The following ZBBX variants were observed in gnomAD, a reference collection of about 807,000 sequenced individuals.
ZBBX encodes zinc finger B-box domain-containing protein 1.
Under a neutral mutation model 108.5 loss-of-function variants are expected in ZBBX, and 101 were observed. The observed-to-expected ratio is 0.93, with a 90% CI of 0.79 to 1.10. The LOEUF is 1.10. Among genes scored for constraint, ZBBX ranks in the 50% least tolerant of loss-of-function variants. ZBBX has a pLI of 0.00. For synonymous variants in ZBBX, 356 were observed against 323.4 expected (o/e 1.10, Z -1.08); for missense variants, 1,009 against 941.4 (o/e 1.07, Z -0.94).
At chr3:167,199,045 A>T in the ZBBX span, among the ~76,000 whole-genome samples, 111 of 152,332 alleles carry the variant, frequency 7.3e-4, no homozygotes, top group African/African-American at 2.6e-3. Flanking sequence ...ACTGAAATGA[A>T]GTTTTAGACA....
At chr3:167,343,065 T>C (rs1372526747) in intron 9 of ZBBX, among the ~76,000 whole-genome samples, 2 of 151,870 alleles carry the variant, frequency 1.3e-5, no homozygotes, top group African/African-American at 4.8e-5. Context: ...GCTTTAAATG[T>C]AGATAATATA....
intron 10 of ZBBX, 137 bp from the exon 11 acceptor site, chr3:167,328,253 CTT>C (rs1222683164): frequency 1.1e-6 from 1 of 878,004 alleles, no homozygotes; most frequent in Non-Finnish European, 1.7e-6. Flanking sequence ...ACTTTTTAAA[CTT>C]AGAATATTTT....
At chr3:167,197,652 T>C in the ZBBX span, among the ~76,000 whole-genome samples, 29 of 152,198 alleles carry the variant, frequency 1.9e-4, no homozygotes, top group Non-Finnish European at 3.2e-4. Flanking sequence ...TGAGAGCATA[T>C]ACAATAAGAA....
At chr3:167,280,890 G>A (rs1409903173) in intron 20 of ZBBX, among the ~76,000 whole-genome samples, 5 of 152,148 alleles carry the variant, frequency 3.3e-5, no homozygotes, top group African/African-American at 1.2e-4. Flanking sequence ...TTAAGAAAAT[G>A]TGGCACATAC....
the ZBBX span, among the ~76,000 whole-genome samples, chr3:167,234,528 A>C: frequency 6.6e-6 from 1 of 151,912 alleles, no homozygotes; most frequent in Non-Finnish European, 1.5e-5. Context: ...AGACTAAAAA[A>C]GAGGAATTGA....
At chr3:167,334,064 G>T in intron 9 of ZBBX, 79 bp from the exon 10 acceptor site, 1 of 929,806 alleles carries the variant, frequency 1.1e-6, no homozygotes, top group South Asian at 2.8e-5. Flanking sequence ...TCATATTTGT[G>T]TTATTCTATG....
intron 20 of ZBBX, among the ~76,000 whole-genome samples, chr3:167,264,782 C>G (rs1256212100): frequency 6.6e-6 from 1 of 152,230 alleles, no homozygotes; most frequent in Non-Finnish European, 1.5e-5. Context: ...AGTTGGCACT[C>G]AGACCACAAG....
intron 8 of ZBBX, among the ~76,000 whole-genome samples, chr3:167,357,244 GA>G (rs1743732491): frequency 6.6e-6 from 1 of 152,100 alleles, no homozygotes; most frequent in Non-Finnish European, 1.5e-5. Flanking sequence ...AGAAGAAACA[GA>G]TATCAATGTC....
At chr3:167,300,609 CT>C (rs59816017) in intron 17 of ZBBX, among the ~76,000 whole-genome samples, 7,330 of 141,608 alleles carry the variant, frequency 0.052, 545 homozygotes, top group African/African-American at 0.15. Flanking sequence ...CCCACCAACC[CT>C]TTTTTTTTTT....
intron 9 of ZBBX, among the ~76,000 whole-genome samples, chr3:167,341,590 C>T (rs553634673): frequency 6.6e-6 from 1 of 151,940 alleles, no homozygotes; most frequent in South Asian, 2.1e-4. Context: ...AAAAGTGAGA[C>T]AGAATAGCAA....
intron 9 of ZBBX, among the ~76,000 whole-genome samples, 162 bp downstream of exon 9, chr3:167,350,258 A>G (rs4449318): frequency 2.6e-5 from 4 of 152,046 alleles, no homozygotes; most frequent in Admixed American, 1.3e-4. Flanking sequence ...AGTATTCAAT[A>G]AAATAATTTA....
Position 167,314,119 on chromosome 3 carries a change from T to C in ZBBX, c.1275-3A>G. On this transcript the variant is annotated splice_region_variant and splice_polypyrimidine_tract_variant and intron_variant, in intron 15 of 21. Transcript: ENST00000675490. ...TCTGACAATCATGAAAAGCACAACT[T>C]TCACATGTAGGAACAAACAAAATAA... The C allele has an allele frequency of 6.3e-7, 1 of 1,579,904 alleles. No homozygotes were observed. Among genetic ancestry groups the C allele is most frequent in the Non-Finnish European group, 8.6e-7 (1 of 1,166,690 alleles).
chr3:167,237,444 C>T (rs747594487), downstream of ZBBX, among the ~76,000 whole-genome samples: 33 of 151,776 alleles, frequency 2.2e-4, no homozygotes, highest in Admixed American at 3.9e-4. Context: ...TGGTTAAAGG[C>T]GCACTGTACT....
chr3:167,398,510 T>C (rs955202718), intron 1 of ZBBX, among the ~76,000 whole-genome samples: 2 of 152,086 alleles, frequency 1.3e-5, no homozygotes, highest in Non-Finnish European at 1.5e-5. Flanking sequence ...GATATGTATG[T>C]CCTATTAGCT....
the ZBBX span, among the ~76,000 whole-genome samples, chr3:167,183,252 A>G: frequency 1.3e-5 from 2 of 152,184 alleles, no homozygotes; most frequent in Non-Finnish European, 2.9e-5. Context: ...GGAACCAACC[A>G]GAGCCCACAC....
chr3:167,352,711 C>T (rs552519709), intron 8 of ZBBX, among the ~76,000 whole-genome samples: 4 of 140,736 alleles, frequency 2.8e-5, no homozygotes, highest in Non-Finnish European at 6.0e-5. Flanking sequence ...AACATAGATA[C>T]AAAAATTCTC....
chr3:167,223,388 A>T, the ZBBX span, among the ~76,000 whole-genome samples: 2 of 152,024 alleles, frequency 1.3e-5, no homozygotes, highest in Admixed American at 1.3e-4. Flanking sequence ...ATAAAGGAAT[A>T]AAAAGCCAAT....
chr3:167,343,376 T>C (rs1477473875), intron 9 of ZBBX, among the ~76,000 whole-genome samples: 1 of 151,852 alleles, frequency 6.6e-6, no homozygotes, highest in East Asian at 1.9e-4. Flanking sequence ...TGCTGTAATA[T>C]ACTCACTAAG....
the ZBBX span, among the ~76,000 whole-genome samples, chr3:167,215,557 A>C: frequency 6.6e-6 from 1 of 152,174 alleles, no homozygotes; most frequent in Non-Finnish European, 1.5e-5. Flanking sequence ...CGTACAAAGA[A>C]GAACTGGTGC....
Sources: allele counts gnomAD v4.1 joint callset (sites outside exome capture counted in the v4.1 genomes callset), GRCh38; gene constraint gnomAD v4.1.1; transcripts MANE v1.5; gene names NCBI Gene and HGNC (gene_info 2026-07-23, HGNC 2026-07-21).